CLDN14: variants seen among roughly 807,000 people sequenced by gnomAD.
CLDN14 encodes claudin-14.
CLDN14 carries 2 observed loss-of-function variants against 2.1 expected under a neutral mutation model. The ratio of observed to expected loss-of-function variants is 0.96; its 90% CI spans 0.39 to 3.01. CLDN14 has a LOEUF of 3.01. Ranked by LOEUF, CLDN14 falls within the 30% of genes most tolerant of loss-of-function variation. The pLI is 0.09. For missense variants in CLDN14, 298 were observed against 328.0 expected, an observed-to-expected ratio of 0.91 and a Z score of 0.71; for synonymous variants, 136 against 154.4, an observed-to-expected ratio of 0.88 and a Z score of 0.88.
At position 36,468,576 on chromosome 21, in the gene CLDN14, TAAAC is replaced by T. The variant is rs775391152; in HGVS notation, c.-81-6804_-81-6801del. On this transcript the variant is annotated intron_variant, in intron 1 of 1. Transcript: ENST00000399135. ...AGACTCTGTCTCAAACAAAAGAAAA[TAAAC>T]AAAATCATAAATGCTTGAATTTAGG... Among the ~76,000 whole-genome samples the T allele has an allele frequency of 1.3e-4, 19 of 151,476 alleles. No homozygotes were observed. In the East Asian group the frequency reaches 3.1e-3, roughly 25 times the overall value.
At chr21:36,556,887 C>T (rs1452947119) in intron 1 of CLDN14, among the ~76,000 whole-genome samples, 1 of 152,204 alleles carries the variant, frequency 6.6e-6, no homozygotes, top group Admixed American at 6.5e-5. Context: ...TGTACAGCAT[C>T]TCTAGAACTT....
At chr21:36,558,192 T>C (rs2087611812) in intron 1 of CLDN14, among the ~76,000 whole-genome samples, 1 of 152,196 alleles carries the variant, frequency 6.6e-6, no homozygotes, top group Admixed American at 6.5e-5. Flanking sequence ...TTACTGTAGA[T>C]TGTAATATAT....
At chr21:36,464,969 A>G (rs1288271272) in intron 1 of CLDN14, among the ~76,000 whole-genome samples, 2 of 152,198 alleles carry the variant, frequency 1.3e-5, no homozygotes, top group East Asian at 3.9e-4. Context: ...GAGATCTCAG[A>G]ACAATGGCCT....
intron 2 of CLDN14, among the ~76,000 whole-genome samples, chr21:36,489,171 G>A (rs2086935602): frequency 7.2e-6 from 1 of 138,406 alleles, no homozygotes; most frequent in African/African-American, 2.8e-5. Flanking sequence ...GAGAGAGAGA[G>A]AGAGAAAGAG....
chr21:36,472,846 C>T (rs1320117206), intron 1 of CLDN14, among the ~76,000 whole-genome samples: 1 of 152,130 alleles, frequency 6.6e-6, no homozygotes, highest in Non-Finnish European at 1.5e-5. Flanking sequence ...GGGCACCCAC[C>T]CTCATGACCT....
intron 1 of CLDN14, among the ~76,000 whole-genome samples, chr21:36,528,907 G>A (rs563922108): frequency 6.6e-6 from 1 of 152,310 alleles, no homozygotes; most frequent in Non-Finnish European, 1.5e-5. Context: ...CCTCCACCAA[G>A]CCTGAGGAGG....
At chr21:36,485,876 A>G in intron 2 of CLDN14, 1 of 568,858 alleles carries the variant, frequency 1.8e-6, no homozygotes, top group Non-Finnish European at 2.9e-6. Context: ...TTATGTTGCC[A>G]AGCTTTATTT....
rs534458948 is a variant in CLDN14 at position 36,492,262 on chromosome 21, G to A, written c.-82+18101C>T. Among the ~76,000 whole-genome samples, 176 of 142,970 alleles carry A rather than the reference G, an allele frequency of 1.2e-3. 20 individuals carry two copies. Among genetic ancestry groups the A allele is most frequent in the African/African-American group, 4.6e-3 (167 of 36,524 alleles). 93.8% of individuals were successfully genotyped at this position (142,970 alleles called of 152,430 possible). A position where few individuals can be genotyped will look rare whatever the true frequency, so the allele number is the denominator to read the frequency against. On this transcript the variant is annotated intron_variant, in intron 2 of 2. Transcript: ENST00000342108. ...ATCCTGGCTAACAAGGTGAAACCCC[G>A]TCTCTACTAAAAATACAAAAAATTA...
rs573999979 is a variant in CLDN14, at chr21:36,544,018, G to A, written c.-220+32393C>T. ...CTGCAGCCAGGGAAGCCTGTGTCAT[G>A]GATTCAACCGTCTGTGCTGAGCCGC... On this transcript the variant is annotated intron_variant, in intron 1 of 2. Coordinates refer to the CLDN14 transcript ENST00000342108. The surrounding 1 kb of genome is among the most constrained non-coding windows in gnomAD (Gnocchi z 4.1). Among the ~76,000 whole-genome samples the A allele has an allele frequency of 6.6e-6, 1 of 152,350 alleles. No individual in the cohort carries two copies. Among genetic ancestry groups the A allele is most frequent in the African/African-American group, 2.4e-5 (1 of 41,582 alleles).
chr21:36,508,653 C>T (rs924280957), intron 2 of CLDN14, among the ~76,000 whole-genome samples: 1 of 152,214 alleles, frequency 6.6e-6, no homozygotes, highest in African/African-American at 2.4e-5. Context: ...GAGCCACCCT[C>T]TACAAGGACA....
intron 1 of CLDN14, among the ~76,000 whole-genome samples, chr21:36,573,968 T>A (rs1303897120): frequency 1.3e-5 from 2 of 152,180 alleles, no homozygotes; most frequent in African/African-American, 4.8e-5. Context: ...GACTTAATAT[T>A]GTTAAGATGT....
chr21:36,495,172 T>C (rs2087004486), intron 2 of CLDN14, among the ~76,000 whole-genome samples: 1 of 151,984 alleles, frequency 6.6e-6, no homozygotes, highest in African/African-American at 2.4e-5. Context: ...TACTAAAAAA[T>C]ACAAAAATTA....
chr21:36,541,637 G>A (rs2087489433), intron 1 of CLDN14, among the ~76,000 whole-genome samples: 1 of 152,118 alleles, frequency 6.6e-6, no homozygotes, highest in Admixed American at 6.5e-5. Flanking sequence ...CAATATAGTG[G>A]AATTGTTATA....
At position 36,524,411 on chromosome 21, in the gene CLDN14, G is replaced by A. The variant is rs540218348; in HGVS notation, c.-219-13911C>T. The stretch of plus-strand genomic sequence containing the variant: ...TGCAGGGATAACAGGCATGAGCCAC[G>A]GCGCCTGGCCTGCCTCAGACTTTAA... On this transcript the variant is annotated intron_variant, in intron 1 of 2. Coordinates refer to the CLDN14 transcript ENST00000342108. Among the ~76,000 whole-genome samples the A allele has an allele frequency of 1.5e-3, 230 of 152,308 alleles. 2 individuals carry two copies. Among genetic ancestry groups the A allele is most frequent in the Non-Finnish European group, 2.5e-3 (172 of 68,034 alleles).
Position 36,528,608 on chromosome 21 carries a change from C to T in CLDN14, c.-219-18108G>A, listed in dbSNP as rs558067037. On this transcript the variant is annotated intron_variant, in intron 1 of 2. Coordinates refer to the CLDN14 transcript ENST00000342108. ...TAAGGAACTGGGTTAGGGTCTCTTCCCCCGTCCACAGATATTGGGGTATGT... is the reference window on the plus strand; with the variant it reads ...TAAGGAACTGGGTTAGGGTCTCTTCTCCCGTCCACAGATATTGGGGTATGT... 2.6e-5 allele frequency among the ~76,000 whole-genome samples: 4 copies of T among 152,306 alleles called. No homozygotes were observed. In the East Asian group the frequency reaches 7.7e-4, roughly 29 times the overall value.
intron 1 of CLDN14, among the ~76,000 whole-genome samples, chr21:36,557,687 C>A (rs2087608344): frequency 6.6e-6 from 1 of 152,168 alleles, no homozygotes; most frequent in African/African-American, 2.4e-5. Flanking sequence ...TTGGAGATTA[C>A]CCCCATCAGA....
At chr21:36,552,673 T>C (rs1042607409) in intron 1 of CLDN14, among the ~76,000 whole-genome samples, 3 of 119,190 alleles carry the variant, frequency 2.5e-5, no homozygotes, top group African/African-American at 8.5e-5. Context: ...ATCCCTATGA[T>C]AAAACAAGAC....
chr21:36,503,126 T>C (rs1263302369), intron 2 of CLDN14, among the ~76,000 whole-genome samples: 1 of 152,228 alleles, frequency 6.6e-6, no homozygotes, highest in Non-Finnish European at 1.5e-5. Flanking sequence ...CAATCTTGGC[T>C]CACTGCAACC....
At position 36,461,495 on chromosome 21, in the gene CLDN14, G is replaced by A. The variant is rs1397562843; in HGVS notation, c.201C>T (p.Tyr67=). Residue 67 remains tyrosine (Y), a synonymous_variant, in exon 2 of 2, where the codon TAC becomes TAT. Coordinates refer to ENST00000399135, the MANE Select transcript of CLDN14 (RefSeq NM_001146079.2). ...CTTGGGGCAGCGCCAGCAGGGATCG[G>A]TAGATCTGGCACTGGTAGATGCCTG... ...HSTGIYQCQI[Y]RSLLALPQDL... 3 of 1,613,446 alleles carry A rather than the reference G, an allele frequency of 1.9e-6. No individual in the cohort carries two copies. Among genetic ancestry groups the A allele is most frequent in the African/African-American group, 1.3e-5 (1 of 75,064 alleles).
Sources: allele counts gnomAD v4.1 joint callset (sites outside exome capture counted in the v4.1 genomes callset), GRCh38; gene constraint gnomAD v4.1.1; non-coding constraint Gnocchi (gnomAD v3.1); transcripts MANE v1.5; gene names NCBI Gene and HGNC (gene_info 2026-07-23, HGNC 2026-07-21).